GRM2: variants seen among roughly 807,000 people sequenced by gnomAD.
GRM2 encodes the protein metabotropic glutamate receptor 2.
In GRM2, 35 loss-of-function variants were observed where a neutral mutation model predicts 60.4. The ratio of observed to expected loss-of-function variants is 0.58; its 90% CI spans 0.44 to 0.77. The LOEUF is 0.77. GRM2 is among the 30% of genes least tolerant of loss of function. The probability of loss-of-function intolerance (pLI) is 0.00; values close to 1 mark genes in which losing one functional copy is unlikely to be tolerated. For missense variants in GRM2, 925 were observed against 1,199.5 expected (o/e 0.77, Z 3.38); for synonymous variants, 437 against 484.1 (o/e 0.90, Z 1.28).
At position 51,709,395 on chromosome 3, in the gene GRM2, G is replaced by A. The variant is rs142637496; in HGVS notation, c.412G>A (p.Gly138Ser). The A allele has an allele frequency of 9.7e-4, 1,527 of 1,575,646 alleles. 6 individuals are homozygous for A. Among genetic ancestry groups the A allele is most frequent in the South Asian group, 2.0e-3 (180 of 88,552 alleles). The change falls in exon 2 of 6, where the codon GGT (glycine) becomes AGT (serine). Residue 138 changes from glycine to serine, a missense_variant. Coordinates refer to ENST00000395052, the MANE Select transcript of GRM2 (RefSeq NM_000839.5). The part of the protein sequence containing the change: ...THGDAPTAIT[G>S]VIGGSYSDVS... The stretch of plus-strand genomic sequence containing the variant: ...TGGTGATGCTCCCACTGCCATCACT[G>A]GTGTTATTGGCGGTTCCTACAGTGA...
In GRM2 at chr3:51,713,958, C is replaced by T. The variant is rs1245705193; in HGVS notation, c.1288+648C>T. On this transcript the variant is annotated intron_variant, in intron 3 of 5. Coordinates refer to ENST00000395052, the MANE Select transcript of GRM2 (RefSeq NM_000839.5). The surrounding 1 kb of genome is among the most constrained non-coding windows in gnomAD (Gnocchi z 4.8). Reference sequence around the variant, plus strand: ...TTCTATTCCTAATCTTGATTTTCCACTCAAGGTGACCTGAAAGTCTCCTGA... The same window carrying T: ...TTCTATTCCTAATCTTGATTTTCCATTCAAGGTGACCTGAAAGTCTCCTGA... 4.4e-6 allele frequency: 2 copies of T among 454,982 alleles called. No homozygotes were observed. The highest frequency in any genetic ancestry group is 1.6e-5 in the South Asian group (1 of 64,158). 28.2% of individuals were successfully genotyped at this position (454,982 alleles called of 1,614,324 possible).
rs1040989129 is a variant in GRM2, at chr3:51,716,439, C to T, written c.2364+302C>T. On this transcript the variant is annotated intron_variant, in intron 4 of 5. Transcript: ENST00000395052. The surrounding 1 kb of genome is among the most constrained non-coding windows in gnomAD (Gnocchi z 4.0). ...CAAATGGACAGGGTTCTGCCCTGCT[C>T]CACTGAGGGGTCATCTGCAGAAGGG... is the stretch of plus-strand genomic sequence containing the variant. 2.6e-5 allele frequency among the ~76,000 whole-genome samples: 4 copies of T among 152,088 alleles called. No individual in the cohort carries two copies. Among genetic ancestry groups the T allele is most frequent in the African/African-American group, 7.2e-5 (3 of 41,406 alleles).
In GRM2 at chr3:51,718,464, C is replaced by G. The variant is rs967805484; in HGVS notation, c.*352C>G. The G allele has an allele frequency of 1.1e-5, 3 of 264,342 alleles. No homozygotes were observed. The highest frequency in any genetic ancestry group is 2.2e-5 in the African/African-American group (1 of 44,932). 16.4% of individuals were successfully genotyped at this position (264,342 alleles called of 1,614,324 possible). ...AAAGGTGCTTCCAGCCCAGCCCCTCCCCCCAACTAGGGCCTTTTTTATTTT... is the reference window on the plus strand; with the variant it reads ...AAAGGTGCTTCCAGCCCAGCCCCTCGCCCCAACTAGGGCCTTTTTTATTTT... On this transcript the variant is annotated 3_prime_UTR_variant, in exon 6 of 6. Transcript: ENST00000395052. This position sits in a 1 kb window ranked among gnomAD's most constrained non-coding sequence, Gnocchi z 4.2.
Position 51,713,649 on chromosome 3 carries a change from G to T in GRM2, c.1288+339G>T. ...CAAGCCCATTCTCAGGCAGCACCAA[G>T]AGTTAGAATCAGTCTGGCTTGAGGG... On this transcript the variant is annotated intron_variant, in intron 3 of 5. Transcript: ENST00000395052. This position sits in a 1 kb window ranked among gnomAD's most constrained non-coding sequence, Gnocchi z 4.8. 2.8e-6 allele frequency: 1 copy of T among 352,798 alleles called. No individual in the cohort carries two copies. The highest frequency in any genetic ancestry group is 4.2e-5 in the South Asian group (1 of 24,000). 21.9% of individuals were successfully genotyped at this position (352,798 alleles called of 1,614,324 possible). A position where few individuals can be genotyped will look rare whatever the true frequency, so the allele number is the denominator to read the frequency against.
In GRM2 at chr3:51,718,398, A is replaced by C; in HGVS notation, c.*286A>C. Reference sequence around the variant, plus strand: ...CAAGCCAGGGTTCACTCTGCCCTGGACCCGGGTGGCTGAGGACGGCAGGCC... The same window carrying C: ...CAAGCCAGGGTTCACTCTGCCCTGGCCCCGGGTGGCTGAGGACGGCAGGCC... On this transcript the variant is annotated 3_prime_UTR_variant, in exon 6 of 6. Transcript: ENST00000395052. This position sits in a 1 kb window ranked among gnomAD's most constrained non-coding sequence, Gnocchi z 4.2. 1 of 442,042 alleles carries C rather than the reference A, an allele frequency of 2.3e-6. No individual in the cohort carries two copies. The highest frequency in any genetic ancestry group is 4.1e-6 in the Non-Finnish European group (1 of 242,520). The allele number at this position is 442,042 out of a possible 1,614,324, so 27.4% of individuals were successfully genotyped here. A position where few individuals can be genotyped will look rare whatever the true frequency, so the allele number is the denominator to read the frequency against.
In GRM2 at chr3:51,715,087, C is replaced by A. The variant is rs1263793256; in HGVS notation, c.1314C>A (p.His438Gln). 6.4e-7 allele frequency: 1 copy of A among 1,564,554 alleles called. No homozygotes were observed. The highest frequency in any genetic ancestry group is 2.3e-5 in the East Asian group (1 of 44,268). Reference sequence around the variant, plus strand: ...CCCCCTTTCGCCCAGCTGACACCCACAATGAGGTCCGCTTTGACCGCTTTG... The same window carrying A: ...CCCCCTTTCGCCCAGCTGACACCCAAAATGAGGTCCGCTTTGACCGCTTTG... ...FDAPFRPADT[H>Q]NEVRFDRFGD... is the part of the protein sequence containing the mutation. Residue 438 changes from histidine (H) to glutamine (Q), a missense_variant, in exon 4 of 6, where the codon CAC becomes CAA. His to Gln is a conservative substitution (Grantham distance 24). Coordinates refer to ENST00000395052, the MANE Select transcript of GRM2 (RefSeq NM_000839.5). The surrounding 1 kb of genome is among the most constrained non-coding windows in gnomAD (Gnocchi z 9.0).
chr3:51,716,294 C>A lies in GRM2; in HGVS notation c.2364+157C>A, dbSNP rs1446502980. 1.3e-5 allele frequency among the ~76,000 whole-genome samples: 2 copies of A among 151,986 alleles called. No homozygotes were observed. Among genetic ancestry groups the A allele is most frequent in the East Asian group, 3.9e-4 (2 of 5,176 alleles). On this transcript the variant is annotated intron_variant, in intron 4 of 5. Coordinates refer to ENST00000395052, the MANE Select transcript of GRM2 (RefSeq NM_000839.5). This position sits in a 1 kb window ranked among gnomAD's most constrained non-coding sequence, Gnocchi z 4.0. ...GGATCCCAAGGGGAAGGTGGGAGGG[C>A]TGAATAGGACCTAGGGAAATGGCCA...
chr3:51,714,778 AT>A (rs1703837383), intron 3 of GRM2: 1 of 342,938 alleles, frequency 2.9e-6, no homozygotes, highest in Admixed American at 4.5e-5. Context: ...TTGGGGATTG[AT>A]GTGGGCATTA....
Position 51,713,820 on chromosome 3 carries a change from T to C in GRM2, c.1288+510T>C. The C allele has an allele frequency of 3.5e-6, 1 of 285,276 alleles. No homozygotes were observed. Among genetic ancestry groups the C allele is most frequent in the Non-Finnish European group, 7.1e-6 (1 of 140,104 alleles). 17.7% of individuals were successfully genotyped at this position (285,276 alleles called of 1,614,324 possible). A position where few individuals can be genotyped will look rare whatever the true frequency, so the allele number is the denominator to read the frequency against. On this transcript the variant is annotated intron_variant, in intron 3 of 5. Coordinates refer to ENST00000395052, the MANE Select transcript of GRM2 (RefSeq NM_000839.5). The surrounding 1 kb of genome is among the most constrained non-coding windows in gnomAD (Gnocchi z 4.8). ...TTTGTAGGCTGGAGTGCAGTGGTTA[T>C]TCACAGGCACAATACAGCCTCCAAC...
At position 51,713,407 on chromosome 3, in the gene GRM2, A is replaced by C; in HGVS notation, c.1288+97A>C. 2 of 903,324 alleles carry C rather than the reference A, an allele frequency of 2.2e-6. No individual in the cohort carries two copies. The highest frequency in any genetic ancestry group is 3.4e-6 in the Non-Finnish European group (2 of 591,186). 56.0% of individuals were successfully genotyped at this position (903,324 alleles called of 1,614,324 possible). A position where few individuals can be genotyped will look rare whatever the true frequency, so the allele number is the denominator to read the frequency against. On this transcript the variant is annotated intron_variant, in intron 3 of 5. Coordinates refer to ENST00000395052, the MANE Select transcript of GRM2 (RefSeq NM_000839.5). The surrounding 1 kb of genome is among the most constrained non-coding windows in gnomAD (Gnocchi z 4.8). ...CATTCCTTTGCTAAGGAAACAGTAG[A>C]GTGAAAGTAAAGGACTCACCTGGGG...
At chr3:51,709,712 G>T (rs113821852) in intron 2 of GRM2, among the ~76,000 whole-genome samples, 1 of 1,196 alleles carries the variant, frequency 8.4e-4, no homozygotes, top group African/African-American at 4.8e-3. Flanking sequence ...CACACACACA[G>T]CCCCCCACAC....
Position 51,715,399 on chromosome 3 carries a change from G to C in GRM2, c.1626G>C (p.Leu542=). The C allele has an allele frequency of 6.2e-7, 1 of 1,613,584 alleles. No individual in the cohort carries two copies. The highest frequency in any genetic ancestry group is 1.6e-4 in the Middle Eastern group (1 of 6,062). Residue 542 remains leucine, a synonymous_variant, in exon 4 of 6, where the codon CTG becomes CTC. Coordinates refer to ENST00000395052, the MANE Select transcript of GRM2 (RefSeq NM_000839.5). The surrounding 1 kb of genome is among the most constrained non-coding windows in gnomAD (Gnocchi z 9.0). ...LDEFTCADCG[L]GYWPNASLTG... is the part of the protein sequence containing the mutation. ...AATTCACTTGCGCTGATTGTGGCCT[G>C]GGCTACTGGCCCAATGCCAGCCTGA...
Position 51,718,099 on chromosome 3 carries a change from C to G in GRM2, c.2606C>G (p.Thr869Arg). 1 of 1,613,972 alleles carries G rather than the reference C, an allele frequency of 6.2e-7. No homozygotes were observed. Among genetic ancestry groups the G allele is most frequent in the Non-Finnish European group, 8.5e-7 (1 of 1,179,814 alleles). The change falls in exon 6 of 6, where the codon ACG (threonine) becomes AGG (arginine). Residue 869 changes from threonine (T) to arginine (R), a missense_variant. By Grantham distance (71) the Thr-to-Arg change is moderately conservative. Coordinates refer to ENST00000395052, the MANE Select transcript of GRM2 (RefSeq NM_000839.5). This position sits in a 1 kb window ranked among gnomAD's most constrained non-coding sequence, Gnocchi z 4.2. Reference protein sequence around the residue: ...CNGREVVDSTTSSL With the variant: ...CNGREVVDSTRSSL ...GGCCGTGAGGTGGTGGACTCGACAA[C>G]GTCATCGCTTTGAAGACCCCATACT...
Position 51,713,338 on chromosome 3 carries a change from C to CCAACA in GRM2, c.1288+29_1288+30insAACAC. On this transcript the variant is annotated intron_variant, in intron 3 of 5. Coordinates refer to ENST00000395052, the MANE Select transcript of GRM2 (RefSeq NM_000839.5). This position sits in a 1 kb window ranked among gnomAD's most constrained non-coding sequence, Gnocchi z 4.8. Reference sequence around the variant, plus strand: ...AATGGTGTTGGCCAGTGTCCATTGGCCTGCTGGCTGTCAGAGGATGAGGGG... The same window carrying CCAACA: ...AATGGTGTTGGCCAGTGTCCATTGGCCAACACTGCTGGCTGTCAGAGGATGAGGGG... The CCAACA allele has an allele frequency of 6.9e-7, 1 of 1,451,710 alleles. No individual in the cohort carries two copies. The highest frequency in any genetic ancestry group is 9.5e-7 in the Non-Finnish European group (1 of 1,050,698). The allele number at this position is 1,451,710 out of a possible 1,614,324, so 89.9% of individuals were successfully genotyped here.
chr3:51,709,546 G>A, intron 2 of GRM2, 113 bp downstream of exon 2: 1 of 736,374 alleles, frequency 1.4e-6, no homozygotes, highest in Non-Finnish European at 2.2e-6. Flanking sequence ...GAAACTAGAA[G>A]CTTCCTTGCA....
In GRM2 at chr3:51,712,986, T is replaced by C; in HGVS notation, c.964T>C (p.Tyr322His). Residue 322 changes from tyrosine to histidine, a missense_variant, in exon 3 of 6, where the codon TAC (tyrosine) becomes CAC (histidine). By Grantham distance (83) the Tyr-to-His change is moderately conservative. Coordinates refer to ENST00000395052, the MANE Select transcript of GRM2 (RefSeq NM_000839.5). The surrounding 1 kb of genome is among the most constrained non-coding windows in gnomAD (Gnocchi z 5.3). ...EGAITIELAS[Y>H]PISDFASYFQ... ...TGCTATCACCATCGAGCTGGCCTCC[T>C]ACCCCATCAGTGACTTTGCCTCCTA... 6.2e-7 allele frequency: 1 copy of C among 1,613,308 alleles called. No individual in the cohort carries two copies. The highest frequency in any genetic ancestry group is 8.5e-7 in the Non-Finnish European group (1 of 1,180,022).
At chr3:51,709,923 C>G (rs959421185) in intron 2 of GRM2, among the ~76,000 whole-genome samples, 1 of 148,262 alleles carries the variant, frequency 6.7e-6, no homozygotes, top group Non-Finnish European at 1.5e-5. Flanking sequence ...AACTGCATGA[C>G]CATGGCACGT....
rs761823428 is a variant in GRM2, at chr3:51,708,933, T to G, written c.-51T>G. On this transcript the variant is annotated 5_prime_UTR_variant, in exon 2 of 6. Transcript: ENST00000395052. ...CTCTTTGCCTTCGCTGCTTCTAATC[T>G]CATCCCCTGGAGACCCAGGTCTGCG... 45 of 1,393,870 alleles carry G rather than the reference T, an allele frequency of 3.2e-5. No individual in the cohort carries two copies. In the African/African-American group the frequency reaches 5.6e-4, roughly 17 times the overall value. 86.3% of individuals were successfully genotyped at this position (1,393,870 alleles called of 1,614,324 possible).
In GRM2 at chr3:51,712,532, CAAGCT is replaced by C. The variant is rs1267821955; in HGVS notation, c.511_515del (p.Lys171GlufsTer2). On this transcript the variant is annotated frameshift_variant, in exon 3 of 6. Coordinates refer to ENST00000395052, the MANE Select transcript of GRM2 (RefSeq NM_000839.5). LOFTEE classifies it high-confidence loss of function. The surrounding 1 kb of genome is among the most constrained non-coding windows in gnomAD (Gnocchi z 5.3). ...AGATTAGCTACGCCTCTACCAGTGC[CAAGCT>C]GAGTGACAAGTCCCGCTATGACTAC... 6.2e-7 allele frequency: 1 copy of C among 1,614,148 alleles called. No individual in the cohort carries two copies. Among genetic ancestry groups the C allele is most frequent in the African/African-American group, 1.3e-5 (1 of 75,068 alleles).
Sources: gnomAD v4.1 joint callset for allele counts (sites outside exome capture counted in the v4.1 genomes callset) on GRCh38, gnomAD v4.1.1 for gene constraint, Gnocchi (gnomAD v3.1) non-coding constraint, MANE v1.5 for transcripts, NCBI Gene and HGNC (gene_info 2026-07-23, HGNC 2026-07-21) for gene names.